WNT7A: variants seen among roughly 807,000 people sequenced by gnomAD.
The protein encoded by WNT7A is Wnt family member 7A.
A neutral mutation model predicts 28.2 loss-of-function variants in WNT7A; 16 were observed. The ratio of observed to expected loss-of-function variants is 0.57; its 90% CI spans 0.38 to 0.86. The LOEUF is 0.86. Among genes scored for constraint, WNT7A ranks in the 40% least tolerant of loss-of-function variants. The pLI is 0.00. For missense variants in WNT7A, 411 were observed against 489.7 expected, an observed-to-expected ratio of 0.84 and a Z score of 1.52; for synonymous variants, 190 against 195.9, an observed-to-expected ratio of 0.97 and a Z score of 0.25.
intron 3 of WNT7A, among the ~76,000 whole-genome samples, chr3:13,850,548 G>C (rs1438787284): frequency 6.6e-6 from 1 of 152,130 alleles, no homozygotes; most frequent in African/African-American, 2.4e-5. Flanking sequence ...CCATCCCCCT[G>C]AGCTCACCTC....
chr3:13,875,608 G>A (rs2124880073), intron 1 of WNT7A, among the ~76,000 whole-genome samples: 1 of 152,270 alleles, frequency 6.6e-6, no homozygotes, highest in South Asian at 2.1e-4. Context: ...AAAGTTTCAT[G>A]CAGCAGGTGC....
At chr3:13,851,482 G>A (rs911120512) in intron 3 of WNT7A, among the ~76,000 whole-genome samples, 1 of 152,180 alleles carries the variant, frequency 6.6e-6, no homozygotes, top group East Asian at 1.9e-4. Context: ...CCTGCTAAGA[G>A]TTCCCTTCTT....
At chr3:13,825,980 C>T (rs1240874510) in intron 3 of WNT7A, among the ~76,000 whole-genome samples, 1 of 152,260 alleles carries the variant, frequency 6.6e-6, no homozygotes, top group Admixed American at 6.5e-5. Context: ...TTGAAATCCC[C>T]CGCCTCTGAT....
chr3:13,861,198 C>T (rs1190539186), intron 2 of WNT7A, among the ~76,000 whole-genome samples: 3 of 152,200 alleles, frequency 2.0e-5, no homozygotes, highest in African/African-American at 7.2e-5. Flanking sequence ...GTGAGTGAAC[C>T]CTGGGCTTGG....
rs75347198 is a variant in WNT7A at position 13,863,418 on chromosome 3, A to ATGTG, written c.299-8616_299-8615insCACA. Among the ~76,000 whole-genome samples the ATGTG allele has an allele frequency of 0.028, 18 of 652 alleles. No individual in the cohort carries two copies. The East Asian group carries it at 0.31, about 11-fold the overall frequency. 0.4% of individuals were successfully genotyped at this position (652 alleles called of 152,430 possible). ...AGCAAGTGTGTGTGTGTGTATGTGT[A>ATGTG]TATGTGTGTGTGTGTATGTGTATAT... On this transcript the variant is annotated intron_variant, in intron 2 of 3. Transcript: ENST00000285018.
At chr3:13,847,582 C>T (rs1694559940) in intron 3 of WNT7A, among the ~76,000 whole-genome samples, 1 of 152,192 alleles carries the variant, frequency 6.6e-6, no homozygotes, top group Non-Finnish European at 1.5e-5. Context: ...GGGAGGGTTC[C>T]CGGATTTAGC....
At position 13,878,111 on chromosome 3, in the gene WNT7A, T is replaced by C. The variant is rs188954559; in HGVS notation, c.71+1635A>G. Among the ~76,000 whole-genome samples, 1,007 of 152,232 alleles carry C rather than the reference T, an allele frequency of 6.6e-3. 8 individuals are homozygous for C. The highest frequency in any genetic ancestry group is 0.017 in the Middle Eastern group (5 of 292). On this transcript the variant is annotated intron_variant, in intron 1 of 3. Transcript: ENST00000285018. Reference sequence around the variant, plus strand: ...AGCTTGGGGCGGAAAGCCAGCGCCCTGCAGGACTCCCTCCCTCCCTCCCTG... The same window carrying C: ...AGCTTGGGGCGGAAAGCCAGCGCCCCGCAGGACTCCCTCCCTCCCTCCCTG...
chr3:13,876,806 C>T (rs1575077122), intron 1 of WNT7A, among the ~76,000 whole-genome samples: 1 of 152,160 alleles, frequency 6.6e-6, no homozygotes, highest in South Asian at 2.1e-4. Flanking sequence ...ATTCACATGA[C>T]CTCAAGGGTC....
chr3:13,831,835 C>T (rs1694283193), intron 3 of WNT7A, among the ~76,000 whole-genome samples: 1 of 152,134 alleles, frequency 6.6e-6, no homozygotes, highest in Non-Finnish European at 1.5e-5. Flanking sequence ...TCTCTCGATG[C>T]CCAGGGCTGC....
intron 3 of WNT7A, among the ~76,000 whole-genome samples, chr3:13,828,286 G>C (rs1050632315): frequency 6.6e-6 from 1 of 152,218 alleles, no homozygotes; most frequent in Non-Finnish European, 1.5e-5. Flanking sequence ...TGGGGCCAGA[G>C]GATGGCATCA....
At position 13,830,858 on chromosome 3, in the gene WNT7A, C is replaced by T. The variant is rs149146225; in HGVS notation, c.571-11435G>A. Among the ~76,000 whole-genome samples, 835 of 152,322 alleles carry T rather than the reference C, an allele frequency of 5.5e-3. 9 individuals carry two copies. The highest frequency in any genetic ancestry group is 0.018 in the African/African-American group (746 of 41,574). Reference sequence around the variant, plus strand: ...ATCCTTTACCTAAACTTGCCTCTGTCACCCCTGACTACGCCATCTCCCAGA... The same window carrying T: ...ATCCTTTACCTAAACTTGCCTCTGTTACCCCTGACTACGCCATCTCCCAGA... On this transcript the variant is annotated intron_variant, in intron 3 of 3. Coordinates refer to ENST00000285018, the MANE Select transcript of WNT7A (RefSeq NM_004625.4).
At chr3:13,854,263 G>A (rs192285629) in intron 3 of WNT7A, among the ~76,000 whole-genome samples, 86 of 152,242 alleles carry the variant, frequency 5.6e-4, no homozygotes, top group Middle Eastern at 3.4e-3. Context: ...CCAAGGATAA[G>A]AGTTCACATC....
chr3:13,868,590 G>GA lies in WNT7A; in HGVS notation c.298+6356_298+6357insT, dbSNP rs1559306953. Among the ~76,000 whole-genome samples the GA allele has an allele frequency of 9.2e-3, 106 of 11,580 alleles. 8 individuals are homozygous for GA. Among genetic ancestry groups the GA allele is most frequent in the African/African-American group, 0.018 (40 of 2,254 alleles). The allele number at this position is 11,580 out of a possible 152,430, so 7.6% of individuals were successfully genotyped here. Reference sequence around the variant, plus strand: ...AGAGAGAGAGAGAGAGAGAGAGAGAGGGAGAAAGAAAGAAAGAAAGAGAGA... The same window carrying GA: ...AGAGAGAGAGAGAGAGAGAGAGAGAGAGGAGAAAGAAAGAAAGAAAGAGAGA... On this transcript the variant is annotated intron_variant, in intron 2 of 3. Coordinates refer to ENST00000285018, the MANE Select transcript of WNT7A (RefSeq NM_004625.4).
intron 3 of WNT7A, 71 bp from the exon 4 acceptor site, chr3:13,819,494 C>T (rs1466943859): frequency 2.0e-6 from 3 of 1,511,768 alleles, no homozygotes; most frequent in African/African-American, 1.4e-5. Context: ...CCCCCAGCTC[C>T]CCCCCGCCCC....
At chr3:13,856,237 CACTG>C (rs1694728671) in intron 2 of WNT7A, among the ~76,000 whole-genome samples, 1 of 152,254 alleles carries the variant, frequency 6.6e-6, no homozygotes, top group Non-Finnish European at 1.5e-5. Context: ...CCAGCTCCGC[CACTG>C]ACTGACTGGG....
intron 1 of WNT7A, 131 bp downstream of exon 1, chr3:13,879,615 A>C: frequency 9.7e-7 from 1 of 1,032,270 alleles, no homozygotes; most frequent in Non-Finnish European, 1.4e-6. Flanking sequence ...CCGCTCCCAC[A>C]CCGCACCCAC....
chr3:13,856,975 A>AAGGAGAAGG (rs1694754806), intron 2 of WNT7A, among the ~76,000 whole-genome samples: 5 of 97,014 alleles, frequency 5.2e-5, no homozygotes, highest in Non-Finnish European at 9.5e-5. Flanking sequence ...GAAGGAGAAG[A>AAGGAGAAGG]AGAAGAAGAA....
rs560202261 is a variant in WNT7A, at chr3:13,835,563, G to A, written c.571-16140C>T. On this transcript the variant is annotated intron_variant, in intron 3 of 3. Transcript: ENST00000285018. ...CACAGAGCTAGAGGACCCAGAGCAC[G>A]GGCCCCCTACATCAGTTCAGACCCT... Among the ~76,000 whole-genome samples the A allele has an allele frequency of 1.2e-3, 189 of 152,348 alleles. 1 individual carries two copies. The highest frequency in any genetic ancestry group is 4.3e-3 in the African/African-American group (179 of 41,584).
At chr3:13,861,084 G>T (rs1463534523) in intron 2 of WNT7A, among the ~76,000 whole-genome samples, 5 of 152,174 alleles carry the variant, frequency 3.3e-5, no homozygotes, top group Admixed American at 3.3e-4. Context: ...TCGTACAGCT[G>T]GCCCCAGAGT....
Sources: allele counts gnomAD v4.1 joint callset (sites outside exome capture counted in the v4.1 genomes callset), GRCh38; gene constraint gnomAD v4.1.1; transcripts MANE v1.5; gene names NCBI Gene and HGNC (gene_info 2026-07-23, HGNC 2026-07-21).